BFSP1: variants seen among roughly 807,000 people sequenced by gnomAD.
BFSP1 encodes the protein beaded filament structural protein 1.
Under a neutral mutation model 43.9 loss-of-function variants are expected in BFSP1, and 38 were observed. The observed-to-expected ratio is 0.87, with a 90% CI of 0.67 to 1.14. The LOEUF is 1.14. BFSP1 is among the 50% of genes most tolerant of loss of function. The probability of loss-of-function intolerance (pLI) is 0.00; values close to 1 mark genes in which losing one functional copy is unlikely to be tolerated. For synonymous variants in BFSP1, 352 were observed against 354.8 expected (o/e 0.99, Z 0.09); for missense variants, 850 against 875.1 (o/e 0.97, Z 0.36).
At chr20:17,568,649 T>C (rs2035151269) in intron 1 of BFSP1, among the ~76,000 whole-genome samples, 1 of 152,102 alleles carries the variant, frequency 6.6e-6, no homozygotes, top group African/African-American at 2.4e-5. Flanking sequence ...GAACCACTGC[T>C]CTAGCCCGCC....
Position 17,493,935 on chromosome 20 carries a change from T to A in BFSP1, c.*139A>T. The A allele has an allele frequency of 1.3e-6, 1 of 773,708 alleles. No homozygotes were observed. Among genetic ancestry groups the A allele is most frequent in the Non-Finnish European group, 2.0e-6 (1 of 488,922 alleles). 47.9% of individuals were successfully genotyped at this position (773,708 alleles called of 1,614,324 possible). A position where few individuals can be genotyped will look rare whatever the true frequency, so the allele number is the denominator to read the frequency against. ...GCAAAGAAAACATTTTAATGAAGGC[T>A]TCGTTGGCAATGCCAGATGGGTCAA... On this transcript the variant is annotated 3_prime_UTR_variant, in exon 8 of 8. Coordinates refer to ENST00000377873, the MANE Select transcript of BFSP1 (RefSeq NM_001195.5).
At chr20:17,531,517 T>C, upstream of BFSP1, 2 of 896,924 alleles carry the variant, frequency 2.2e-6, no homozygotes, top group Non-Finnish European at 2.9e-6. Context: ...CGGCCCGCTT[T>C]GTGCGGCGGA....
At chr20:17,513,641 C>A (rs998467496) in intron 3 of BFSP1, among the ~76,000 whole-genome samples, 2 of 152,220 alleles carry the variant, frequency 1.3e-5, no homozygotes, top group Non-Finnish European at 2.9e-5. Context: ...TGAGCACTTG[C>A]CAAGCTCCAG....
chr20:17,497,984 T>G (rs1301384228), intron 6 of BFSP1, among the ~76,000 whole-genome samples: 1 of 152,154 alleles, frequency 6.6e-6, no homozygotes, highest in Non-Finnish European at 1.5e-5. Flanking sequence ...AAATATAATG[T>G]GGAATCATGC....
chr20:17,493,985 C>G lies in BFSP1; in HGVS notation c.*89G>C. 1 of 1,257,428 alleles carries G rather than the reference C, an allele frequency of 8.0e-7. No homozygotes were observed. Among genetic ancestry groups the G allele is most frequent in the African/African-American group, 1.5e-5 (1 of 66,572 alleles). The allele number at this position is 1,257,428 out of a possible 1,614,324, so 77.9% of individuals were successfully genotyped here. ...ACTATGGTCTAATCCAAACAGGAAC[C>G]CTCACCCTTTTATCATTTGCTCTAA... On this transcript the variant is annotated 3_prime_UTR_variant, in exon 8 of 8. Coordinates refer to ENST00000377873, the MANE Select transcript of BFSP1 (RefSeq NM_001195.5).
chr20:17,497,366 G>C (rs1203630584), intron 6 of BFSP1, among the ~76,000 whole-genome samples: 1 of 150,644 alleles, frequency 6.6e-6, no homozygotes, highest in Non-Finnish European at 1.5e-5. Flanking sequence ...TTTTTAGTTA[G>C]AGTAGTCAAC....
chr20:17,501,586 C>T lies in BFSP1; in HGVS notation c.736-2546G>A, dbSNP rs1197084602. On this transcript the variant is annotated intron_variant, in intron 5 of 7. Transcript: ENST00000377873. ...GAGCACCCCAGACTGGGTGACAGAG[C>T]GAGACTCTGTCAAAAAAAAAAAAAA... Among the ~76,000 whole-genome samples the T allele has an allele frequency of 1.0e-4, 12 of 119,622 alleles. No individual in the cohort carries two copies. In the South Asian group the frequency reaches 2.3e-3, roughly 23 times the overall value. The allele number at this position is 119,622 out of a possible 152,430, so 78.5% of individuals were successfully genotyped here.
At chr20:17,563,501 C>T (rs139752590), upstream of BFSP1, among the ~76,000 whole-genome samples, 1,121 of 151,604 alleles carry the variant, frequency 7.4e-3, 16 homozygotes, top group African/African-American at 0.026. Flanking sequence ...GGCACATGCC[C>T]AGCTAATTTT....
chr20:17,518,826 A>C (rs1018791661), intron 2 of BFSP1, among the ~76,000 whole-genome samples: 2 of 152,230 alleles, frequency 1.3e-5, no homozygotes, highest in African/African-American at 4.8e-5. Context: ...TCATCCCTGC[A>C]TCCCTCCCTC....
intron 3 of BFSP1, 112 bp downstream of exon 3, chr20:17,514,609 G>A (rs1204704428): frequency 3.8e-6 from 4 of 1,053,782 alleles, no homozygotes; most frequent in Non-Finnish European, 4.4e-6. Flanking sequence ...GAGGGAAAAC[G>A]CACAAAGGTA....
chr20:17,517,814 C>T (rs1169274068), intron 2 of BFSP1, among the ~76,000 whole-genome samples: 1 of 152,204 alleles, frequency 6.6e-6, no homozygotes, highest in African/African-American at 2.4e-5. Flanking sequence ...CCCCACATTG[C>T]AGGTGCTCCA....
At chr20:17,543,118 AC>A (rs1177982650) in intron 1 of BFSP1, among the ~76,000 whole-genome samples, 1 of 152,236 alleles carries the variant, frequency 6.6e-6, no homozygotes, top group Non-Finnish European at 1.5e-5. Flanking sequence ...CTCTACTGAA[AC>A]AAAAATTTTG....
At chr20:17,532,070 G>A (rs759642252), upstream of BFSP1, among the ~76,000 whole-genome samples, 6 of 152,126 alleles carry the variant, frequency 3.9e-5, no homozygotes, top group Non-Finnish European at 8.8e-5. Context: ...ATTCACCCAT[G>A]CTCTGATGGA....
At chr20:17,551,543 G>A (rs980253047) in intron 1 of BFSP1, among the ~76,000 whole-genome samples, 2 of 152,170 alleles carry the variant, frequency 1.3e-5, no homozygotes, top group African/African-American at 4.8e-5. Context: ...CTCACAGATG[G>A]CTGCTACCCT....
chr20:17,515,888 A>C (rs1438081820), intron 2 of BFSP1, among the ~76,000 whole-genome samples: 1 of 152,226 alleles, frequency 6.6e-6, no homozygotes, highest in Non-Finnish European at 1.5e-5. Flanking sequence ...TGGTCTGACT[A>C]AAATATGTAA....
chr20:17,551,875 T>C (rs2034901218), intron 1 of BFSP1, among the ~76,000 whole-genome samples: 1 of 151,726 alleles, frequency 6.6e-6, no homozygotes, highest in South Asian at 2.1e-4. Flanking sequence ...ATCCCAGCTA[T>C]TCAGGAGGCT....
At chr20:17,546,360 C>T (rs567195014) in intron 1 of BFSP1, among the ~76,000 whole-genome samples, 2 of 152,224 alleles carry the variant, frequency 1.3e-5, no homozygotes, top group South Asian at 2.1e-4. Context: ...AATCCAATCA[C>T]GTGGGGATTA....
At chr20:17,517,164 G>A (rs2034217416) in intron 2 of BFSP1, 3 of 805,536 alleles carry the variant, frequency 3.7e-6, no homozygotes, top group Non-Finnish European at 6.6e-6. Flanking sequence ...CTATAAGGTA[G>A]ACGAGAATGG....
At chr20:17,508,299 T>G (rs6044855) in intron 5 of BFSP1, among the ~76,000 whole-genome samples, 27,003 of 152,104 alleles carry the variant, frequency 0.18, 2,807 homozygotes, top group East Asian at 0.44. Context: ...ACAGGACAGT[T>G]TGGGGCTTTT....
Sources: gnomAD v4.1 joint callset for allele counts (sites outside exome capture counted in the v4.1 genomes callset) on GRCh38, gnomAD v4.1.1 for gene constraint, MANE v1.5 for transcripts, NCBI Gene and HGNC (gene_info 2026-07-23, HGNC 2026-07-21) for gene names.